LPAR6: variants seen among roughly 807,000 people sequenced by gnomAD.
LPAR6 encodes G-protein coupled purinergic receptor P2Y5.
Under a neutral mutation model 22.0 loss-of-function variants are expected in LPAR6, and 17 were observed. The observed-to-expected ratio is 0.77, with a 90% CI of 0.53 to 1.16. The LOEUF is 1.16. Among genes scored for constraint, LPAR6 ranks in the 50% most tolerant of loss-of-function variants. The pLI is 0.00. For synonymous variants in LPAR6, 136 were observed against 139.8 expected, an observed-to-expected ratio of 0.97 and a Z score of 0.19; for missense variants, 384 against 406.9, an observed-to-expected ratio of 0.94 and a Z score of 0.48.
intron 1 of LPAR6, among the ~76,000 whole-genome samples, chr13:48,438,012 A>G (rs773562790): frequency 2.6e-5 from 4 of 152,218 alleles, no homozygotes; most frequent in Non-Finnish European, 4.4e-5. Context: ...TCATATGTCA[A>G]TATTCTAGAA....
chr13:48,440,739 G>T (rs1046930172), intron 1 of LPAR6, among the ~76,000 whole-genome samples: 3 of 152,086 alleles, frequency 2.0e-5, no homozygotes, highest in Non-Finnish European at 4.4e-5. Context: ...AGGTAAAAAA[G>T]AGACATCTCT....
intron 2 of LPAR6, among the ~76,000 whole-genome samples, chr13:48,422,123 C>T (rs548315622): frequency 2.6e-4 from 39 of 152,238 alleles, no homozygotes; most frequent in African/African-American, 7.0e-4. Flanking sequence ...CACCCAAATG[C>T]GCATCAATGA....
chr13:48,412,191 G>A lies in LPAR6; in HGVS notation c.233C>T (p.Thr78Ile), dbSNP rs752001188. 1 of 1,613,988 alleles carries A rather than the reference G, an allele frequency of 6.2e-7. No homozygotes were observed. Among genetic ancestry groups the A allele is most frequent in the African/African-American group, 1.3e-5 (1 of 75,056 alleles). The change falls in exon 1 of 1, where the codon ACA (threonine) becomes ATA (isoleucine). Residue 78 changes from threonine to isoleucine, a missense_variant. Transcript: ENST00000620633. ...FTLPFRIFYFTTRNWPFGDLL... is the reference protein window; with the variant it reads ...FTLPFRIFYFITRNWPFGDLL... Reference sequence around the variant, plus strand: ...ATCTCCAAATGGCCAATTCCGTGTTGTGAAGTAAAAAATCCTGAAGGGTAA... The same window carrying A: ...ATCTCCAAATGGCCAATTCCGTGTTATGAAGTAAAAAATCCTGAAGGGTAA...
At chr13:48,416,264 G>GC (rs1024459602), upstream of LPAR6, 63 of 152,330 alleles carry the variant, frequency 4.1e-4, no homozygotes, top group African/African-American at 1.5e-3. Flanking sequence ...TCAGACAGGG[G>GC]GTGCAGCCCA....
rs1342256169 is a variant in LPAR6, at chr13:48,434,675, A to G, written c.-1474+9878T>C. 3.9e-5 allele frequency among the ~76,000 whole-genome samples: 6 copies of G among 152,246 alleles called. 1 individual carries two copies. In the East Asian group the frequency reaches 1.2e-3, roughly 29 times the overall value. ...CACCAGGCAGCTTGACCTGGTGAAA[A>G]TGTGTAGGTCCATGTATCCACCACC... On this transcript the variant is annotated intron_variant, in intron 1 of 6. Transcript: ENST00000378434.
chr13:48,400,967 C>T (rs1948686673), intron 1 of LPAR6, among the ~76,000 whole-genome samples: 1 of 152,072 alleles, frequency 6.6e-6, no homozygotes, highest in African/African-American at 2.4e-5. Flanking sequence ...ATCACCTTCT[C>T]AAAATGGAAA....
chr13:48,413,718 G>A (rs368887774), upstream of LPAR6, among the ~76,000 whole-genome samples: 26 of 152,076 alleles, frequency 1.7e-4, no homozygotes, highest in East Asian at 9.7e-4. Context: ...TAATATTTTA[G>A]AGCTGTTTAA....
intron 1 of LPAR6, among the ~76,000 whole-genome samples, chr13:48,433,810 T>G (rs1322902160): frequency 6.6e-6 from 1 of 152,106 alleles, no homozygotes; most frequent in Non-Finnish European, 1.5e-5. Flanking sequence ...TCATCATCTT[T>G]GAATTAGTTT....
At chr13:48,437,906 A>G (rs776388646) in intron 1 of LPAR6, among the ~76,000 whole-genome samples, 17 of 152,186 alleles carry the variant, frequency 1.1e-4, no homozygotes, top group South Asian at 4.1e-4. Context: ...GCTGGCTGCC[A>G]TAGTTATGAC....
chr13:48,444,618 CA>C (rs1375108831), exon 1 of LPAR6: 2 of 152,306 alleles, frequency 1.3e-5, no homozygotes, highest in African/African-American at 4.8e-5. Context: ...GGTATGGGAG[CA>C]GGGGTGCAGA....
In LPAR6 at chr13:48,412,045, G is replaced by C; in HGVS notation, c.379C>G (p.Leu127Val). The change falls in exon 1 of 1, where the codon CTA becomes GTA. Residue 127 changes from leucine (L) to valine (V), a missense_variant. Leu to Val is a conservative substitution (Grantham distance 32). Coordinates refer to ENST00000620633, the MANE Select transcript of LPAR6 (RefSeq NM_001162498.3). ...ATCTTTGCATTTCTTTTGGTTCTTA[G>C]AGTCTTTGACTTAAATGGGTAGACA... ...AIVYPFKSKT[L>V]RTKRNAKIVC... 1 of 1,613,372 alleles carries C rather than the reference G, an allele frequency of 6.2e-7. No homozygotes were observed. The highest frequency in any genetic ancestry group is 8.5e-7 in the Non-Finnish European group (1 of 1,179,722).
Position 48,395,026 on chromosome 13 carries a change from T to C in LPAR6, n.115-5214A>G, listed in dbSNP as rs138170838. On this transcript the variant is annotated intron_variant and non_coding_transcript_variant, in intron 1 of 1. Transcript: ENST00000462781. ...AGCTGCCATCTGGTGGGTACCCCTCTGGGACGAAGCTTCCAGAGGAAGGAA... is the reference window on the plus strand; with the variant it reads ...AGCTGCCATCTGGTGGGTACCCCTCCGGGACGAAGCTTCCAGAGGAAGGAA... 6.5e-3 allele frequency among the ~76,000 whole-genome samples: 989 copies of C among 152,298 alleles called. 15 individuals carry two copies. The highest frequency in any genetic ancestry group is 0.023 in the African/African-American group (942 of 41,570).
chr13:48,418,538 A>C (rs1002495018), intron 2 of LPAR6, among the ~76,000 whole-genome samples: 1 of 152,196 alleles, frequency 6.6e-6, no homozygotes, highest in African/African-American at 2.4e-5. Flanking sequence ...ATATAACAAT[A>C]TTAACCTTAA....
chr13:48,429,162 A>C (rs1231319609), upstream of LPAR6: 1 of 152,242 alleles, frequency 6.6e-6, no homozygotes, highest in East Asian at 1.9e-4. Flanking sequence ...GTTTTAGTCA[A>C]ACCAAGTTCG....
chr13:48,400,675 G>C (rs1296656268), intron 1 of LPAR6, among the ~76,000 whole-genome samples: 1 of 152,022 alleles, frequency 6.6e-6, no homozygotes. Flanking sequence ...AACTTGCTTT[G>C]GTGTGGTTCT....
At chr13:48,423,831 G>C (rs993156038) in intron 1 of LPAR6, among the ~76,000 whole-genome samples, 1 of 152,180 alleles carries the variant, frequency 6.6e-6, no homozygotes, top group Non-Finnish European at 1.5e-5. Flanking sequence ...GATCACTTAA[G>C]GCCATAGGAG....
At chr13:48,422,490 T>C (rs1396725124) in intron 2 of LPAR6, among the ~76,000 whole-genome samples, 1 of 152,190 alleles carries the variant, frequency 6.6e-6, no homozygotes, top group Non-Finnish European at 1.5e-5. Flanking sequence ...GTTCTGCACA[T>C]GTATCCCAAT....
chr13:48,406,339 A>C (rs1304667209), downstream of LPAR6, among the ~76,000 whole-genome samples: 1 of 152,206 alleles, frequency 6.6e-6, no homozygotes, highest in African/African-American at 2.4e-5. Flanking sequence ...AAGTAATGAC[A>C]TTAAAATATT....
intron 1 of LPAR6, among the ~76,000 whole-genome samples, chr13:48,438,891 T>C (rs946473389): frequency 6.6e-6 from 1 of 152,182 alleles, no homozygotes; most frequent in Non-Finnish European, 1.5e-5. Context: ...GTTATTTTAT[T>C]TTCACAACAA....
Sources: allele counts gnomAD v4.1 joint callset (sites outside exome capture counted in the v4.1 genomes callset), GRCh38; gene constraint gnomAD v4.1.1; transcripts MANE v1.5; gene names NCBI Gene and HGNC (gene_info 2026-07-23, HGNC 2026-07-21).